Variants in MYG1 observed in about 807,000 individuals in gnomAD.
MYG1 encodes the protein UPF0160 protein MYG1, mitochondrial.
Under a neutral mutation model 43.5 loss-of-function variants are expected in MYG1, and 36 were observed. The observed-to-expected ratio is 0.83, with a 90% confidence interval of 0.63 to 1.09. The LOEUF (loss-of-function observed/expected upper bound fraction) is 1.09, where lower values mean the gene tolerates loss of function less well. Ranked by LOEUF, MYG1 falls within the 50% of genes least tolerant of loss-of-function variation. The pLI is 0.00. For synonymous variants in MYG1, 220 were observed against 202.8 expected (o/e 1.08, Z -0.72); for missense variants, 529 against 495.1 (o/e 1.07, Z -0.65).
At position 53,300,028 on chromosome 12, in the gene MYG1, G is replaced by A; in HGVS notation, c.216+75G>A. 5.7e-6 allele frequency: 9 copies of A among 1,581,400 alleles called. No individual in the cohort carries two copies. In the South Asian group the frequency reaches 9.0e-5, roughly 16 times the overall value. On this transcript the variant is annotated intron_variant, in intron 1 of 6. Transcript: ENST00000267103. ...GGGTGGATGGCATTCCGCCAACAGG[G>A]TCACTCCGATAGCGCCCGGCAGCCC...
rs758299120 is a variant in MYG1 at position 53,303,043 on chromosome 12, A to G, written c.339A>G (p.Thr113=). The G allele has an allele frequency of 1.2e-6, 2 of 1,611,240 alleles. No individual in the cohort carries two copies. Among genetic ancestry groups the G allele is most frequent in the Non-Finnish European group, 1.7e-6 (2 of 1,178,106 alleles). ...TCCCTATGCTCCTCAGGTCTTTCAC[A>G]GAGACCATGAGCTCCCTGTCCCCTG... The part of the protein sequence containing the change: ...HRYDHHQRSF[T]ETMSSLSPGK... The change falls in exon 3 of 7, where the codon ACA becomes ACG. Residue 113 remains threonine (T), a synonymous_variant. Transcript: ENST00000267103.
intron 3 of MYG1, among the ~76,000 whole-genome samples, chr12:53,304,000 T>C (rs910601011): frequency 6.6e-5 from 10 of 151,590 alleles, no homozygotes; most frequent in South Asian, 2.1e-4. Context: ...CCCATCACCA[T>C]GCCCGGCTAA....
chr12:53,303,110 T>C lies in MYG1; in HGVS notation c.406T>C (p.Tyr136His), dbSNP rs1237277373. 11 of 1,614,174 alleles carry C rather than the reference T, an allele frequency of 6.8e-6. No homozygotes were observed. The highest frequency in any genetic ancestry group is 9.3e-6 in the Non-Finnish European group (11 of 1,180,026). ...CAAGCTGAGCAGTGCGGGACTCATC[T>C]ATCTGCACTTCGGGCACAAGCTGCT... ...QTKLSSAGLI[Y>H]LHFGHKLLAQ... The change falls in exon 3 of 7, where the codon TAT becomes CAT. Residue 136 changes from tyrosine to histidine, a missense_variant. Tyr to His is a moderately conservative substitution (Grantham distance 83). Transcript: ENST00000267103.
At chr12:53,305,203 C>T (rs535138395) in intron 3 of MYG1, among the ~76,000 whole-genome samples, 1 of 152,282 alleles carries the variant, frequency 6.6e-6, no homozygotes, top group East Asian at 1.9e-4. Flanking sequence ...AGGTTGGGAT[C>T]CAAACCAAGA....
chr12:53,303,066 C>T lies in MYG1; in HGVS notation c.362C>T (p.Pro121Leu). Reference protein sequence around the residue: ...SFTETMSSLSPGKPWQTKLSS... With the variant: ...SFTETMSSLSLGKPWQTKLSS... ...ACAGAGACCATGAGCTCCCTGTCCC[C>T]TGGGAAGCCGTGGCAGACCAAGCTG... Residue 121 changes from proline to leucine, a missense_variant, in exon 3 of 7, where the codon CCT (proline) becomes CTT (leucine). By Grantham distance (98) the Pro-to-Leu change is moderately conservative. Transcript: ENST00000267103. 1 of 1,613,766 alleles carries T rather than the reference C, an allele frequency of 6.2e-7. No individual in the cohort carries two copies. Among genetic ancestry groups the T allele is most frequent in the Non-Finnish European group, 8.5e-7 (1 of 1,179,784 alleles).
In MYG1 at chr12:53,306,320, G is replaced by C; in HGVS notation, c.765G>C (p.Gln255His). The stretch of plus-strand genomic sequence containing the variant: ...AAGAGGCCCTTGCCCAGCGATTCCA[G>C]GTATAGGCCTTGGAGGAGGCATTAT... ...LVEEALAQRFQVDPSGEIVEL... is the reference protein window; with the variant it reads ...LVEEALAQRFHVDPSGEIVEL... Residue 255 changes from glutamine to histidine, a missense_variant and splice_region_variant, in exon 5 of 7, where the codon CAG becomes CAC. Coordinates refer to ENST00000267103, the MANE Select transcript of MYG1 (RefSeq NM_021640.4). 6.2e-7 allele frequency: 1 copy of C among 1,614,116 alleles called. No homozygotes were observed. Among genetic ancestry groups the C allele is most frequent in the Non-Finnish European group, 8.5e-7 (1 of 1,180,004 alleles).
intron 2 of MYG1, among the ~76,000 whole-genome samples, chr12:53,300,552 C>A (rs867104814): frequency 1.3e-5 from 2 of 152,224 alleles, no homozygotes; most frequent in Non-Finnish European, 2.9e-5. Flanking sequence ...ACTAAATAAA[C>A]CCATCTGTGA....
chr12:53,302,366 T>C (rs111855394), intron 2 of MYG1, among the ~76,000 whole-genome samples: 5,410 of 152,354 alleles, frequency 0.036, 128 homozygotes, highest in Middle Eastern at 0.092. Context: ...TTAGAAATCA[T>C]GGCTGTAGTT....
chr12:53,304,804 G>C (rs891498732), intron 3 of MYG1, among the ~76,000 whole-genome samples: 1 of 16,312 alleles, frequency 6.1e-5, no homozygotes, highest in African/African-American at 7.6e-5. Context: ...ATGCTGCCCA[G>C]GCTGGACTCA....
chr12:53,299,908 C>A lies in MYG1; in HGVS notation c.171C>A (p.Asp57Glu). 3 of 1,614,216 alleles carry A rather than the reference C, an allele frequency of 1.9e-6. No homozygotes were observed. Among genetic ancestry groups the A allele is most frequent in the Non-Finnish European group, 2.5e-6 (3 of 1,180,036 alleles). Residue 57 changes from aspartate to glutamate, a missense_variant, in exon 1 of 7, where the codon GAC (aspartate) becomes GAA (glutamate). Transcript: ENST00000267103. ...IGTHNGTFHC[D>E]EALACALLRL... ...CGCACAATGGCACCTTCCACTGCGA[C>A]GAGGCACTGGCATGCGCACTGCTTC...
intron 3 of MYG1, among the ~76,000 whole-genome samples, chr12:53,304,437 C>T (rs1274460072): frequency 6.6e-6 from 1 of 151,938 alleles, no homozygotes; most frequent in Non-Finnish European, 1.5e-5. Context: ...AGGCGCCTGC[C>T]ACCACGCCTG....
At chr12:53,306,369 A>G (rs766846562) in intron 5 of MYG1, 49 bp downstream of exon 5, 5 of 1,606,832 alleles carry the variant, frequency 3.1e-6, no homozygotes, top group South Asian at 1.1e-5. Context: ...CTGACTGCCA[A>G]TCAACAGGAA....
intron 6 of MYG1, 50 bp downstream of exon 6, chr12:53,306,911 T>G (rs754873691): frequency 1.9e-6 from 3 of 1,606,400 alleles, no homozygotes; most frequent in East Asian, 4.5e-5. Context: ...GTCTCAGCCT[T>G]GTTAAGAGAA....
chr12:53,300,304 G>C lies in MYG1; in HGVS notation c.329+42G>C, dbSNP rs558362579. On this transcript the variant is annotated intron_variant, in intron 2 of 6. Transcript: ENST00000267103. ...CATTTATTTAACTTCCTTGACCTCA[G>C]CTTTCCTCTGTGCTCCAATTCAGCC... 4.9e-6 allele frequency: 7 copies of C among 1,419,720 alleles called. No individual in the cohort carries two copies. The East Asian group carries it at 7.2e-5, about 15-fold the overall frequency. The allele number at this position is 1,419,720 out of a possible 1,614,324, so 87.9% of individuals were successfully genotyped here.
intron 3 of MYG1, among the ~76,000 whole-genome samples, chr12:53,304,378 TG>T (rs1944253876): frequency 6.6e-6 from 1 of 151,306 alleles, no homozygotes; most frequent in South Asian, 2.1e-4. Flanking sequence ...CTCCGCCTCC[TG>T]GGTTCAAGCG....
chr12:53,303,313 C>T, intron 3 of MYG1, 120 bp downstream of exon 3: 1 of 1,051,640 alleles, frequency 9.5e-7, no homozygotes, highest in Middle Eastern at 3.0e-4. Context: ...ATAGCAGGCC[C>T]AACACTCATC....
intron 2 of MYG1, 138 bp from the exon 3 acceptor site, chr12:53,302,896 T>G: frequency 2.0e-6 from 2 of 1,000,280 alleles, no homozygotes. Context: ...GCAAGGACAG[T>G]GTCTTGGTTT....
Position 53,299,879 on chromosome 12 carries a change from G to C in MYG1, c.142G>C (p.Gly48Arg), listed in dbSNP as rs888624035. 8 of 1,614,046 alleles carry C rather than the reference G, an allele frequency of 5.0e-6. No individual in the cohort carries two copies. Among genetic ancestry groups the C allele is most frequent in the Non-Finnish European group, 6.8e-6 (8 of 1,180,026 alleles). Residue 48 changes from glycine to arginine, a missense_variant, in exon 1 of 7, where the codon GGG (glycine) becomes CGG (arginine). Gly to Arg is a moderately radical substitution (Grantham distance 125). Coordinates refer to ENST00000267103, the MANE Select transcript of MYG1 (RefSeq NM_021640.4). ...RSKLMAPPRI[G>R]THNGTFHCDE... is the part of the protein sequence containing the mutation. ...CAAACTCATGGCACCGCCCCGAATC[G>C]GGACGCACAATGGCACCTTCCACTG...
Sources: allele counts gnomAD v4.1 joint callset (sites outside exome capture counted in the v4.1 genomes callset), GRCh38; gene constraint gnomAD v4.1.1; transcripts MANE v1.5; gene names NCBI Gene and HGNC (gene_info 2026-07-23, HGNC 2026-07-21).